Variants in SPAG16 observed in about 807,000 individuals in gnomAD.
The protein encoded by SPAG16 is sperm associated antigen 16.
In SPAG16, 86 loss-of-function variants were observed where a neutral mutation model predicts 80.4. That is an observed-to-expected ratio of 1.07 (90% CI 0.90 to 1.28). The LOEUF is 1.28. Among genes scored for constraint, SPAG16 ranks in the 50% most tolerant of loss-of-function variants. The probability of loss-of-function intolerance (pLI) is 0.00; values close to 1 mark genes in which losing one functional copy is unlikely to be tolerated. For synonymous variants in SPAG16, 294 were observed against 265.9 expected, an observed-to-expected ratio of 1.11 and a Z score of -1.03; for missense variants, 870 against 765.3, an observed-to-expected ratio of 1.14 and a Z score of -1.61.
intron 11 of SPAG16, among the ~76,000 whole-genome samples, chr2:213,871,049 C>G (rs951856881): frequency 3.3e-5 from 5 of 152,096 alleles, no homozygotes; most frequent in Non-Finnish European, 7.4e-5. Flanking sequence ...GACATACTCA[C>G]AAATATACAC....
At chr2:213,386,635 A>G (rs1265668900) in intron 9 of SPAG16, among the ~76,000 whole-genome samples, 1 of 152,174 alleles carries the variant, frequency 6.6e-6, no homozygotes, top group Non-Finnish European at 1.5e-5. Context: ...TAATTCTTAT[A>G]TATCTTTTAT....
chr2:214,094,744 A>G (rs11888092), intron 13 of SPAG16, among the ~76,000 whole-genome samples: 13,482 of 152,090 alleles, frequency 0.089, 771 homozygotes, highest in East Asian at 0.28. Flanking sequence ...ACAGGAATGT[A>G]TACAGTTGTT....
At chr2:214,222,116 T>C (rs1312475327) in intron 15 of SPAG16, among the ~76,000 whole-genome samples, 1 of 138,690 alleles carries the variant, frequency 7.2e-6, no homozygotes, top group Non-Finnish European at 1.5e-5. Context: ...TATTCTTTTT[T>C]TTTTTTTTTT....
intron 11 of SPAG16, among the ~76,000 whole-genome samples, chr2:213,898,521 G>C (rs992616651): frequency 6.6e-6 from 1 of 152,120 alleles, no homozygotes; most frequent in African/African-American, 2.4e-5. Flanking sequence ...GGTCATGACT[G>C]TTGCTCCCCC....
At chr2:213,308,752 G>A (rs2063056205) in intron 3 of SPAG16, among the ~76,000 whole-genome samples, 1 of 152,078 alleles carries the variant, frequency 6.6e-6, no homozygotes, top group South Asian at 2.1e-4. Context: ...TATATCTGGT[G>A]GTATTCCGTG....
chr2:213,821,122 A>T (rs1280359786), intron 10 of SPAG16, among the ~76,000 whole-genome samples: 1 of 151,950 alleles, frequency 6.6e-6, no homozygotes, highest in Non-Finnish European at 1.5e-5. Context: ...TGTCTTTTAT[A>T]GGTTGATTAA....
At chr2:213,967,114 G>A (rs945231527) in intron 12 of SPAG16, among the ~76,000 whole-genome samples, 3 of 152,032 alleles carry the variant, frequency 2.0e-5, no homozygotes, top group Admixed American at 6.6e-5. Flanking sequence ...TGATTTCTAT[G>A]ATTTCTTCCA....
chr2:214,144,859 A>T (rs1326209403), intron 14 of SPAG16, among the ~76,000 whole-genome samples: 1 of 152,128 alleles, frequency 6.6e-6, no homozygotes, highest in Non-Finnish European at 1.5e-5. Context: ...GAAGGTTCAA[A>T]CTACAATCAA....
intron 9 of SPAG16, among the ~76,000 whole-genome samples, chr2:213,463,941 TAA>T (rs1293242115): frequency 2.0e-5 from 3 of 151,902 alleles, no homozygotes; most frequent in African/African-American, 7.3e-5. Flanking sequence ...GCCAAAGGAG[TAA>T]AAAGAAGTAC....
rs1022269653 is a variant in SPAG16 at position 214,011,113 on chromosome 2, G to A, written c.1401-2838G>A. The stretch of plus-strand genomic sequence containing the variant: ...ATAATTTACCATTTTAATATAATAG[G>A]AATAAAATTCTTAATTTTTATCTCT... On this transcript the variant is annotated intron_variant, in intron 12 of 15. Transcript: ENST00000331683. Among the ~76,000 whole-genome samples, 11 of 144,318 alleles carry A rather than the reference G, an allele frequency of 7.6e-5. 1 individual carries two copies. The highest frequency in any genetic ancestry group is 6.8e-4 in the Admixed American group (10 of 14,798). The allele number at this position is 144,318 out of a possible 152,430, so 94.7% of individuals were successfully genotyped here. A position where few individuals can be genotyped will look rare whatever the true frequency, so the allele number is the denominator to read the frequency against.
intron 10 of SPAG16, among the ~76,000 whole-genome samples, chr2:213,491,012 C>G (rs981542848): frequency 1.3e-5 from 2 of 152,118 alleles, no homozygotes; most frequent in African/African-American, 4.8e-5. Flanking sequence ...CATGTGCAAT[C>G]TACTTCCTAA....
chr2:213,678,782 T>G (rs1454507258), intron 10 of SPAG16, among the ~76,000 whole-genome samples: 1 of 152,200 alleles, frequency 6.6e-6, no homozygotes, highest in Non-Finnish European at 1.5e-5. Flanking sequence ...AGAAAGGTTG[T>G]ACGCAGGCAG....
chr2:213,614,729 T>C (rs1442312952), intron 10 of SPAG16, among the ~76,000 whole-genome samples: 3 of 152,262 alleles, frequency 2.0e-5, no homozygotes, highest in South Asian at 2.1e-4. Context: ...AACTCTCTTA[T>C]GCTTTTATAA....
Position 213,769,895 on chromosome 2 carries a change from G to T in SPAG16, c.1071-92590G>T, listed in dbSNP as rs556721226. 1.5e-3 allele frequency among the ~76,000 whole-genome samples: 232 copies of T among 152,226 alleles called. 3 individuals carry two copies. The highest frequency in any genetic ancestry group is 5.4e-3 in the African/African-American group (225 of 41,544). On this transcript the variant is annotated intron_variant, in intron 10 of 15. Coordinates refer to ENST00000331683, the MANE Select transcript of SPAG16 (RefSeq NM_024532.5). Reference sequence around the variant, plus strand: ...TGGAACATTGCTATCAACTCACAAAGTGTGCCCAATAAGCCACTGCACCCT... The same window carrying T: ...TGGAACATTGCTATCAACTCACAAATTGTGCCCAATAAGCCACTGCACCCT...
intron 10 of SPAG16, among the ~76,000 whole-genome samples, chr2:213,619,507 G>A (rs1114446): frequency 0.41 from 62,176 of 151,906 alleles, 13,259 homozygotes; most frequent in Middle Eastern, 0.51. Flanking sequence ...CGGGCAAAGC[G>A]TATGAATAGA....
chr2:213,982,735 A>C (rs1367336701), intron 12 of SPAG16, among the ~76,000 whole-genome samples: 1 of 49,142 alleles, frequency 2.0e-5, no homozygotes, highest in Admixed American at 2.0e-4. Flanking sequence ...TGACAACATA[A>C]GAGTAAAAGA....
rs555548153 is a variant in SPAG16 at position 214,150,603 on chromosome 2, A to G, written c.1720+1337A>G. ...TTTTCATAAACATTTCACATCCTTA[A>G]ATCCCTTTTTATTATCTTGAGCTAG... is the stretch of plus-strand genomic sequence containing the variant. On this transcript the variant is annotated intron_variant, in intron 15 of 15. Coordinates refer to ENST00000331683, the MANE Select transcript of SPAG16 (RefSeq NM_024532.5). 5.9e-5 allele frequency among the ~76,000 whole-genome samples: 9 copies of G among 152,096 alleles called. No homozygotes were observed. In the South Asian group the frequency reaches 1.9e-3, roughly 32 times the overall value.
chr2:213,433,557 C>T (rs1161746441), intron 9 of SPAG16, among the ~76,000 whole-genome samples: 1 of 151,810 alleles, frequency 6.6e-6, no homozygotes, highest in Non-Finnish European at 1.5e-5. Context: ...ATGAAATATC[C>T]CTACAAGGGA....
At chr2:213,367,679 G>A (rs1408636497) in intron 8 of SPAG16, among the ~76,000 whole-genome samples, 1 of 151,440 alleles carries the variant, frequency 6.6e-6, no homozygotes, top group African/African-American at 2.4e-5. Flanking sequence ...TGTAGATTCT[G>A]GATATTAGCC....
Sources: allele counts gnomAD v4.1 joint callset (sites outside exome capture counted in the v4.1 genomes callset), GRCh38; gene constraint gnomAD v4.1.1; transcripts MANE v1.5; gene names NCBI Gene and HGNC (gene_info 2026-07-23, HGNC 2026-07-21).